RGS6: variants seen among roughly 807,000 people sequenced by gnomAD.
RGS6 encodes the protein regulator of G protein signaling 6.
Under a neutral mutation model 78.5 loss-of-function variants are expected in RGS6, and 30 were observed. The observed-to-expected ratio is 0.38, with a 90% confidence interval of 0.29 to 0.52. RGS6 has a LOEUF of 0.52. Among genes scored for constraint, RGS6 ranks in the 20% least tolerant of loss-of-function variants. The pLI is 0.85. For missense variants in RGS6, 495 were observed against 609.7 expected (o/e 0.81, Z 1.98); for synonymous variants, 206 against 206.0 (o/e 1.00, Z 0.00).
rs17115704 is a variant in RGS6, at chr14:72,442,492, A to G, written c.185-12036A>G. On this transcript the variant is annotated intron_variant, in intron 3 of 17. Transcript: ENST00000553525. ...CCCATAGCACCCCACAAATAGTTCA[A>G]TCATAGCCCTTGTAACATTCTGGTG... is the stretch of plus-strand genomic sequence containing the variant. 2.4e-3 allele frequency among the ~76,000 whole-genome samples: 369 copies of G among 152,254 alleles called. 5 individuals carry two copies. The highest frequency in any genetic ancestry group is 8.2e-3 in the African/African-American group (339 of 41,544).
At chr14:72,152,546 T>G (rs934602522) in intron 2 of RGS6, among the ~76,000 whole-genome samples, 6 of 152,180 alleles carry the variant, frequency 3.9e-5, no homozygotes, top group African/African-American at 1.4e-4. Flanking sequence ...GTGGCTGACA[T>G]ACAGTTGTTT....
intron 2 of RGS6, among the ~76,000 whole-genome samples, chr14:72,084,182 T>C (rs2094933825): frequency 6.6e-6 from 1 of 152,162 alleles, no homozygotes; most frequent in African/African-American, 2.4e-5. Flanking sequence ...TCCCCTCGGA[T>C]CATCAGGCAT....
At chr14:72,038,338 C>G (rs11158936) in intron 2 of RGS6, among the ~76,000 whole-genome samples, 19,807 of 152,136 alleles carry the variant, frequency 0.13, 1,342 homozygotes, top group East Asian at 0.17. Context: ...TGTGATTCCT[C>G]CAACTCTGTT....
chr14:71,880,889 C>T, the RGS6 span, among the ~76,000 whole-genome samples: 62 of 152,326 alleles, frequency 4.1e-4, no homozygotes, highest in Middle Eastern at 3.4e-3. Flanking sequence ...GATCCACCAA[C>T]AGCTTGCACC....
intron 2 of RGS6, among the ~76,000 whole-genome samples, chr14:72,063,955 G>T (rs1020446405): frequency 1.3e-5 from 2 of 152,078 alleles, no homozygotes; most frequent in Non-Finnish European, 2.9e-5. Context: ...AGCACATTGA[G>T]ATTACTATCA....
the RGS6 span, among the ~76,000 whole-genome samples, chr14:72,592,110 G>C: frequency 6.6e-6 from 1 of 152,216 alleles, no homozygotes; most frequent in African/African-American, 2.4e-5. Context: ...CTTCATCAGT[G>C]ATTCCATGGG....
chr14:71,995,724 C>T (rs1768969202), intron 2 of RGS6, among the ~76,000 whole-genome samples: 1 of 152,098 alleles, frequency 6.6e-6, no homozygotes, highest in Non-Finnish European at 1.5e-5. Context: ...ATCTTGTCAC[C>T]CTTTATCTAA....
At chr14:72,027,375 A>G (rs756565998) in intron 2 of RGS6, among the ~76,000 whole-genome samples, 1 of 152,184 alleles carries the variant, frequency 6.6e-6, no homozygotes, top group African/African-American at 2.4e-5. Flanking sequence ...ATGCACATAC[A>G]TGCATATATA....
intron 3 of RGS6, among the ~76,000 whole-genome samples, chr14:72,373,920 T>C (rs981414708): frequency 4.6e-5 from 7 of 152,100 alleles, no homozygotes; most frequent in African/African-American, 1.4e-4. Flanking sequence ...TAACAATCAT[T>C]TGATAGTCTT....
intron 2 of RGS6, among the ~76,000 whole-genome samples, chr14:71,995,413 C>A (rs1262399573): frequency 6.6e-6 from 1 of 152,170 alleles, no homozygotes; most frequent in Non-Finnish European, 1.5e-5. Context: ...TGGCCCCTGG[C>A]AGGGTGGAAG....
intron 2 of RGS6, among the ~76,000 whole-genome samples, chr14:72,204,800 A>G (rs1475713687): frequency 6.6e-6 from 1 of 152,140 alleles, no homozygotes; most frequent in African/African-American, 2.4e-5. Context: ...CAACATATGA[A>G]TTTCGGAGGG....
At position 72,476,301 on chromosome 14, in the gene RGS6, T is replaced by C. The variant is rs189161052; in HGVS notation, c.694-441T>C. Among the ~76,000 whole-genome samples the C allele has an allele frequency of 3.4e-3, 515 of 152,358 alleles. 9 individuals carry two copies. Among genetic ancestry groups the C allele is most frequent in the Admixed American group, 0.03 (460 of 15,300 alleles). On this transcript the variant is annotated intron_variant, in intron 10 of 17. Transcript: ENST00000553525. ...TAGAGGGGATCTTTTGTGCATACTC[T>C]TTGGCAGTGGCTCTTGAACTTTCTT...
At chr14:72,542,255 A>G (rs756041223) in intron 17 of RGS6, among the ~76,000 whole-genome samples, 5 of 152,186 alleles carry the variant, frequency 3.3e-5, no homozygotes, top group Non-Finnish European at 7.4e-5. Flanking sequence ...TAGCCCCACA[A>G]GATGTGGCTA....
intron 6 of RGS6, among the ~76,000 whole-genome samples, chr14:72,463,044 G>C (rs921692418): frequency 6.6e-6 from 1 of 152,172 alleles, no homozygotes; most frequent in Admixed American, 6.5e-5. Context: ...AAATTTAATT[G>C]CACATATAAT....
At chr14:72,224,619 G>A (rs2047671686) in intron 2 of RGS6, among the ~76,000 whole-genome samples, 1 of 152,156 alleles carries the variant, frequency 6.6e-6, no homozygotes, top group African/African-American at 2.4e-5. Flanking sequence ...TCCTATGCCT[G>A]AAAAGTTGTG....
At chr14:72,331,549 A>T (rs926509617) in intron 2 of RGS6, among the ~76,000 whole-genome samples, 41 of 152,084 alleles carry the variant, frequency 2.7e-4, no homozygotes, top group Admixed American at 1.3e-4. Flanking sequence ...GAGCTGCCTC[A>T]CCTGGGGCTC....
chr14:72,228,948 G>A (rs1202386322), intron 2 of RGS6, among the ~76,000 whole-genome samples: 3 of 152,104 alleles, frequency 2.0e-5, no homozygotes, highest in East Asian at 1.9e-4. Context: ...CCAGCTACTC[G>A]GGAGGCTGAG....
At chr14:72,332,869 G>A (rs2075333364) in intron 2 of RGS6, among the ~76,000 whole-genome samples, 1 of 152,210 alleles carries the variant, frequency 6.6e-6, no homozygotes, top group South Asian at 2.1e-4. Flanking sequence ...CATAGAGATT[G>A]CAAGAGCTGG....
upstream of RGS6, among the ~76,000 whole-genome samples, chr14:71,932,061 C>A (rs1008600841): frequency 6.6e-6 from 1 of 152,248 alleles, no homozygotes; most frequent in African/African-American, 2.4e-5. Flanking sequence ...CTAAGAGAAC[C>A]TTGACGCCGC....
Sources: gnomAD v4.1 joint callset for allele counts (sites outside exome capture counted in the v4.1 genomes callset) on GRCh38, gnomAD v4.1.1 for gene constraint, MANE v1.5 for transcripts, NCBI Gene and HGNC (gene_info 2026-07-23, HGNC 2026-07-21) for gene names.